Variants in ITSN1 observed in about 807,000 individuals in gnomAD.
The protein encoded by ITSN1 is intersectin 1.
ITSN1 carries 58 observed loss-of-function variants against 239.8 expected under a neutral mutation model. The ratio of observed to expected loss-of-function variants is 0.24; its 90% CI spans 0.20 to 0.30. The LOEUF is 0.30. ITSN1 is among the 10% of genes least tolerant of loss of function. The probability of loss-of-function intolerance (pLI) is 1.00; values close to 1 mark genes in which losing one functional copy is unlikely to be tolerated. For missense variants in ITSN1, 1,558 were observed against 2,103.3 expected, an observed-to-expected ratio of 0.74 and a Z score of 5.07; for synonymous variants, 780 against 770.8, an observed-to-expected ratio of 1.01 and a Z score of -0.20.
rs754450226 is a variant in ITSN1 at position 33,885,042 on chromosome 21, A to G, written c.4678A>G (p.Thr1560Ala). 1 of 1,613,806 alleles carries G rather than the reference A, an allele frequency of 6.2e-7. No individual in the cohort carries two copies. Among genetic ancestry groups the G allele is most frequent in the Non-Finnish European group, 8.5e-7 (1 of 1,179,718 alleles). ...TLRAESINERTAWVQKIKAAS... is the reference protein window; with the variant it reads ...TLRAESINERAAWVQKIKAAS... Reference sequence around the variant, plus strand: ...ACTTTCTGTCTTTTTCTGTCCAAGGACTGCCTGGGTGCAGAAAATCAAAGC... The same window carrying G: ...ACTTTCTGTCTTTTTCTGTCCAAGGGCTGCCTGGGTGCAGAAAATCAAAGC... Residue 1560 changes from threonine (T) to alanine (A), a missense_variant and splice_region_variant, in exon 37 of 40, where the codon ACT becomes GCT. Around this residue, in one of 2 missense-constraint regions of ITSN1, gnomAD observed 576 missense variants for 893.3 expected, o/e 0.64. Coordinates refer to ENST00000381318, the MANE Select transcript of ITSN1 (RefSeq NM_003024.3).
chr21:33,826,568 T>G (rs772562691), intron 25 of ITSN1, among the ~76,000 whole-genome samples: 1 of 152,242 alleles, frequency 6.6e-6, no homozygotes, highest in Non-Finnish European at 1.5e-5. Flanking sequence ...TGGAGCCCTC[T>G]GGGCTCTTAC....
chr21:33,808,749 AAT>A (rs1426695132), intron 20 of ITSN1, among the ~76,000 whole-genome samples: 1 of 152,228 alleles, frequency 6.6e-6, no homozygotes, highest in East Asian at 1.9e-4. Context: ...TCAACCAGTT[AAT>A]AGATTGTAGA....
intron 29 of ITSN1, among the ~76,000 whole-genome samples, chr21:33,838,715 T>G (rs1182928815): frequency 6.6e-6 from 1 of 151,854 alleles, no homozygotes; most frequent in Non-Finnish European, 1.5e-5. Context: ...AAATGATCAT[T>G]CCTTATAATA....
intron 33 of ITSN1, among the ~76,000 whole-genome samples, chr21:33,873,329 C>T (rs1003086534): frequency 6.6e-6 from 1 of 152,222 alleles, no homozygotes; most frequent in Admixed American, 6.5e-5. Flanking sequence ...AATATGCCCT[C>T]GGCATTCTCC....
intron 1 of ITSN1, among the ~76,000 whole-genome samples, chr21:33,706,479 C>T (rs1197808582): frequency 1.5e-5 from 2 of 133,680 alleles, no homozygotes; most frequent in South Asian, 5.0e-4. Flanking sequence ...CATTTATTAC[C>T]AAAAAAAAAA....
intron 16 of ITSN1, among the ~76,000 whole-genome samples, chr21:33,791,965 T>C (rs2071168731): frequency 6.6e-6 from 1 of 152,182 alleles, no homozygotes; most frequent in South Asian, 2.1e-4. Context: ...TCAGGGTTAT[T>C]TTGCTTATGC....
intron 20 of ITSN1, among the ~76,000 whole-genome samples, chr21:33,806,105 G>A (rs989404289): frequency 2.0e-5 from 3 of 150,034 alleles, no homozygotes; most frequent in Non-Finnish European, 3.0e-5. Context: ...CAGCTACTCG[G>A]GAGGCTGAGG....
intron 39 of ITSN1, 40 bp downstream of exon 39, chr21:33,886,500 G>A: frequency 6.7e-7 from 1 of 1,484,392 alleles, no homozygotes; most frequent in East Asian, 2.4e-5. Flanking sequence ...CTCCTTCCCT[G>A]GCACTCGTTT....
At chr21:33,851,778 C>CTTTTTTTTTTTTTTTTTTTTT (rs35567402) in intron 29 of ITSN1, among the ~76,000 whole-genome samples, 3 of 66,208 alleles carry the variant, frequency 4.5e-5, no homozygotes, top group Non-Finnish European at 7.8e-5. Context: ...CTTTTCTTTC[C>CTTTTTTTTTTTTTTTTTTTTT]TTTTTTTTTT....
At chr21:33,814,819 G>T (rs1268141080) in intron 22 of ITSN1, among the ~76,000 whole-genome samples, 2 of 152,138 alleles carry the variant, frequency 1.3e-5, no homozygotes, top group Non-Finnish European at 2.9e-5. Flanking sequence ...ACCCAGCTGA[G>T]ACCTAGGGCA....
At chr21:33,750,569 A>G (rs1037341573) in intron 6 of ITSN1, among the ~76,000 whole-genome samples, 4 of 152,362 alleles carry the variant, frequency 2.6e-5, no homozygotes, top group Middle Eastern at 3.4e-3. Flanking sequence ...TGAGCTCAGC[A>G]GTGAAAGCCA....
intron 8 of ITSN1, among the ~76,000 whole-genome samples, chr21:33,758,074 G>A (rs1291926052): frequency 6.6e-6 from 1 of 152,042 alleles, no homozygotes; most frequent in Non-Finnish European, 1.5e-5. Flanking sequence ...TTCTTTAGAG[G>A]TGGGATCTTT....
At chr21:33,669,592 A>G (rs2090139624) in intron 1 of ITSN1, among the ~76,000 whole-genome samples, 1 of 151,978 alleles carries the variant, frequency 6.6e-6, no homozygotes, top group South Asian at 2.1e-4. Context: ...GGCATGCGCC[A>G]CCAAGCCCAG....
intron 1 of ITSN1, among the ~76,000 whole-genome samples, chr21:33,662,919 G>A (rs2089669101): frequency 6.6e-6 from 1 of 152,164 alleles, no homozygotes; most frequent in African/African-American, 2.4e-5. Flanking sequence ...CCTCGAATTT[G>A]CTGCCATTTG....
chr21:33,731,340 T>C (rs941743216), intron 4 of ITSN1, among the ~76,000 whole-genome samples: 2 of 152,262 alleles, frequency 1.3e-5, no homozygotes, highest in Non-Finnish European at 2.9e-5. Flanking sequence ...GCCTGACTGA[T>C]TGATTGGTTT....
chr21:33,827,127 C>T (rs1284105890), intron 26 of ITSN1, among the ~76,000 whole-genome samples: 4 of 152,148 alleles, frequency 2.6e-5, no homozygotes, highest in East Asian at 1.9e-4. Flanking sequence ...AGGCCAGGCA[C>T]GGTGGCTCAT....
At chr21:33,672,520 T>G (rs1006264719) in intron 1 of ITSN1, among the ~76,000 whole-genome samples, 2 of 152,192 alleles carry the variant, frequency 1.3e-5, no homozygotes, top group Admixed American at 6.5e-5. Flanking sequence ...GCTTGTACAC[T>G]GTTGGTGGGA....
chr21:33,659,924 G>A (rs931106111), intron 1 of ITSN1, among the ~76,000 whole-genome samples: 3 of 151,732 alleles, frequency 2.0e-5, no homozygotes, highest in Admixed American at 6.6e-5. Context: ...GATCTCACTG[G>A]TCTCAAACTC....
chr21:33,708,349 G>GT (rs964291388), intron 1 of ITSN1, among the ~76,000 whole-genome samples: 7 of 150,950 alleles, frequency 4.6e-5, no homozygotes, highest in Middle Eastern at 3.4e-3. Context: ...CTGTTTTTTT[G>GT]TTTTTTTTAT....
Sources: gnomAD v4.1 joint callset for allele counts (sites outside exome capture counted in the v4.1 genomes callset) on GRCh38, gnomAD v4.1.1 for gene constraint, gnomAD v4.1.1 regional missense constraint, MANE v1.5 for transcripts, NCBI Gene and HGNC (gene_info 2026-07-23, HGNC 2026-07-21) for gene names.